GRIN2A: variants seen among roughly 807,000 people sequenced by gnomAD.
The protein encoded by GRIN2A is glutamate ionotropic receptor NMDA type subunit 2A.
In GRIN2A, 22 loss-of-function variants were observed where a neutral mutation model predicts 113.4. The ratio of observed to expected loss-of-function variants is 0.19; its 90% CI spans 0.14 to 0.28. The LOEUF (loss-of-function observed/expected upper bound fraction) is 0.28, where lower values mean the gene tolerates loss of function less well. Ranked by LOEUF, GRIN2A falls within the 10% of genes least tolerant of loss-of-function variation. The pLI is 1.00. For missense variants in GRIN2A, 1,502 were observed against 1,887.0 expected, an observed-to-expected ratio of 0.80 and a Z score of 3.78; for synonymous variants, 827 against 738.4, an observed-to-expected ratio of 1.12 and a Z score of -1.94.
intron 5 of GRIN2A, among the ~76,000 whole-genome samples, 188 bp downstream of exon 5, chr16:9,849,568 T>C (rs904131958): frequency 1.3e-5 from 2 of 152,204 alleles, no homozygotes; most frequent in Admixed American, 6.5e-5. Flanking sequence ...ATTAAATGAA[T>C]GCAAGTGTGG....
intron 4 of GRIN2A, among the ~76,000 whole-genome samples, chr16:9,875,351 A>G (rs374722701): frequency 3.3e-5 from 5 of 152,128 alleles, no homozygotes; most frequent in African/African-American, 1.2e-4. Flanking sequence ...ACCTCTTTTT[A>G]TCTCTATTTC....
chr16:9,963,051 C>T (rs922731514), intron 2 of GRIN2A, among the ~76,000 whole-genome samples: 14 of 146,216 alleles, frequency 9.6e-5, no homozygotes, highest in Non-Finnish European at 2.1e-4. Context: ...TGTTCTCACT[C>T]ATAGGTGGGA....
chr16:10,026,640 G>T (rs1271778342), intron 2 of GRIN2A, among the ~76,000 whole-genome samples: 2 of 147,024 alleles, frequency 1.4e-5, no homozygotes, highest in Non-Finnish European at 3.0e-5. Context: ...AGTCAAGCTG[G>T]GGGGCACTGC....
In GRIN2A at chr16:10,025,646, C is replaced by T. The variant is rs192013707; in HGVS notation, c.415-87095G>A. 1.8e-4 allele frequency among the ~76,000 whole-genome samples: 27 copies of T among 152,160 alleles called. No homozygotes were observed. In the East Asian group the frequency reaches 4.3e-3, roughly 24 times the overall value. On this transcript the variant is annotated intron_variant, in intron 2 of 12. Coordinates refer to ENST00000330684, the MANE Select transcript of GRIN2A (RefSeq NM_001134407.3). ...TATTTAAGCAAGGAGGCTGGAATAC[C>T]ACCTCATTTGACTCCAGGGAAAATA...
At chr16:9,871,310 A>G (rs2043256266) in intron 4 of GRIN2A, among the ~76,000 whole-genome samples, 2 of 152,102 alleles carry the variant, frequency 1.3e-5, no homozygotes, top group South Asian at 4.1e-4. Context: ...GTATTGCAAT[A>G]TATTCATACA....
In GRIN2A at chr16:9,756,671, C is replaced by A. The variant is rs1333865872; in HGVS notation, c.*6478G>T. ...TATATCTTAAGGTTGTTTTGAGGATCACATTCTAGGATATGCCTAGAATAT... is the reference window on the plus strand; with the variant it reads ...TATATCTTAAGGTTGTTTTGAGGATAACATTCTAGGATATGCCTAGAATAT... On this transcript the variant is annotated 3_prime_UTR_variant, in exon 13 of 13. Transcript: ENST00000330684. The A allele has an allele frequency of 5.2e-6, 1 of 190,528 alleles. No individual in the cohort carries two copies. Among genetic ancestry groups the A allele is most frequent in the Non-Finnish European group, 1.1e-5 (1 of 90,900 alleles). 11.8% of individuals were successfully genotyped at this position (190,528 alleles called of 1,614,324 possible). A position where few individuals can be genotyped will look rare whatever the true frequency, so the allele number is the denominator to read the frequency against.
chr16:9,801,512 T>C (rs1903359956), intron 10 of GRIN2A, among the ~76,000 whole-genome samples: 1 of 152,102 alleles, frequency 6.6e-6, no homozygotes, highest in African/African-American at 2.4e-5. Context: ...CACATAAGAG[T>C]TGTCCAGAAG....
intron 3 of GRIN2A, among the ~76,000 whole-genome samples, chr16:9,935,558 A>ACT (rs1335006375): frequency 7.3e-6 from 1 of 137,734 alleles, no homozygotes. Flanking sequence ...ACACACACAC[A>ACT]CTCCTCCAGC....
chr16:9,763,505 C>T lies in GRIN2A; in HGVS notation c.4039G>A (p.Gly1347Ser), dbSNP rs1900690416. 1.9e-6 allele frequency: 3 copies of T among 1,613,850 alleles called. No homozygotes were observed. The highest frequency in any genetic ancestry group is 1.3e-5 in the African/African-American group (1 of 74,836). ...TTGCTCCTCTTGCTGTCCTCCAGAC[C>T]TTGGGGGAAAAGGGAGCTTTTTTTC... ...SGKKSSLFPQGLEDSKRSKSL... is the reference protein window; with the variant it reads ...SGKKSSLFPQSLEDSKRSKSL... The change falls in exon 13 of 13, where the codon GGT (glycine) becomes AGT (serine). Residue 1347 changes from glycine to serine, a missense_variant. This residue lies in a region of GRIN2A where 832 missense variants were observed against 789.7 expected (regional missense o/e 1.05). Coordinates refer to ENST00000330684, the MANE Select transcript of GRIN2A (RefSeq NM_001134407.3).
intron 3 of GRIN2A, among the ~76,000 whole-genome samples, chr16:9,909,639 T>C (rs1311766143): frequency 6.6e-6 from 1 of 152,216 alleles, no homozygotes; most frequent in Non-Finnish European, 1.5e-5. Flanking sequence ...GAGAAATTGA[T>C]TGCCAAGAGG....
intron 11 of GRIN2A, among the ~76,000 whole-genome samples, chr16:9,778,374 A>G (rs1011614083): frequency 6.6e-5 from 10 of 152,228 alleles, no homozygotes; most frequent in African/African-American, 2.2e-4. Context: ...CTTAAAAGGC[A>G]CATGCATTTG....
At chr16:10,142,351 T>C (rs1388325053) in intron 2 of GRIN2A, among the ~76,000 whole-genome samples, 4 of 152,060 alleles carry the variant, frequency 2.6e-5, no homozygotes, top group Non-Finnish European at 5.9e-5. Context: ...AGACTAAGGC[T>C]CCATACACGT....
At chr16:9,842,710 G>A (rs1019528028) in intron 5 of GRIN2A, among the ~76,000 whole-genome samples, 3 of 152,186 alleles carry the variant, frequency 2.0e-5, no homozygotes, top group Non-Finnish European at 4.4e-5. Context: ...GCCAAGTTGG[G>A]TGGATCCCCT....
intron 4 of GRIN2A, among the ~76,000 whole-genome samples, chr16:9,889,683 T>C (rs2043654329): frequency 2.0e-5 from 3 of 152,220 alleles, no homozygotes; most frequent in Admixed American, 1.3e-4. Flanking sequence ...TAAAGTATTT[T>C]CTAATGTCTT....
intron 4 of GRIN2A, among the ~76,000 whole-genome samples, chr16:9,874,294 T>A (rs2043323275): frequency 6.6e-6 from 1 of 152,166 alleles, no homozygotes; most frequent in Non-Finnish European, 1.5e-5. Context: ...TAATAAGGAA[T>A]AAAGGAACAG....
intron 11 of GRIN2A, among the ~76,000 whole-genome samples, chr16:9,775,481 C>T (rs1567287848): frequency 6.6e-6 from 1 of 152,280 alleles, no homozygotes; most frequent in Non-Finnish European, 1.5e-5. Context: ...TCTTTGGCCT[C>T]TAAGAGCTCA....
intron 2 of GRIN2A, among the ~76,000 whole-genome samples, chr16:10,080,028 C>T (rs2047949252): frequency 6.6e-6 from 1 of 152,192 alleles, no homozygotes; most frequent in South Asian, 2.1e-4. Context: ...GAATTGATGG[C>T]ACTTTTGTGC....
chr16:10,062,411 A>C (rs1224199864), intron 2 of GRIN2A, among the ~76,000 whole-genome samples: 1 of 152,218 alleles, frequency 6.6e-6, no homozygotes, highest in Non-Finnish European at 1.5e-5. Context: ...TCAACTGGTC[A>C]CCAGACCAAC....
At chr16:9,962,684 C>T (rs949107765) in intron 2 of GRIN2A, among the ~76,000 whole-genome samples, 1 of 152,078 alleles carries the variant, frequency 6.6e-6, no homozygotes, top group African/African-American at 2.4e-5. Flanking sequence ...ACTAGTTCAA[C>T]CATTGTGGAA....
Sources: gnomAD v4.1 joint callset for allele counts (sites outside exome capture counted in the v4.1 genomes callset) on GRCh38, gnomAD v4.1.1 for gene constraint, gnomAD v4.1.1 regional missense constraint, MANE v1.5 for transcripts, NCBI Gene and HGNC (gene_info 2026-07-23, HGNC 2026-07-21) for gene names.